Variants in FAM131A observed in about 807,000 individuals in gnomAD.
FAM131A encodes the protein family with sequence similarity 131 member A, also known as protein FAM131A.
Under a neutral mutation model 39.2 loss-of-function variants are expected in FAM131A, and 24 were observed. That is an observed-to-expected ratio of 0.61 (90% CI 0.44 to 0.86). The LOEUF (loss-of-function observed/expected upper bound fraction) is 0.86, where lower values mean the gene tolerates loss of function less well. FAM131A is among the 40% of genes least tolerant of loss of function. The pLI, the probability that FAM131A is intolerant of heterozygous loss-of-function variation, is 0.00. For synonymous variants in FAM131A, 202 were observed against 206.8 expected (o/e 0.98, Z 0.20); for missense variants, 373 against 481.2 (o/e 0.78, Z 2.10).
intron 5 of FAM131A, among the ~76,000 whole-genome samples, chr3:184,343,292 C>T (rs548824944): frequency 1.3e-5 from 2 of 152,330 alleles, no homozygotes; most frequent in East Asian, 3.9e-4. Flanking sequence ...CGCAGGGCTG[C>T]AGCCCAGGTC....
At position 184,342,074 on chromosome 3, in the gene FAM131A, C is replaced by T. The variant is rs749898977; in HGVS notation, c.334C>T (p.Gln112Ter). Residue 112 changes from glutamine to a stop codon, truncating the protein, a stop_gained, in exon 4 of 6, where the codon CAG becomes TAG. Transcript: ENST00000383847. LOFTEE classifies it high-confidence loss of function. The surrounding 1 kb of genome is among the most constrained non-coding windows in gnomAD (Gnocchi z 4.6). ...CCCTCCCCTATCTCCAGGTATTTCC[C>T]AGGTGGTGAAGGACCACGTGACCAA... is the stretch of plus-strand genomic sequence containing the variant. ...LARSSLHGIS[Q>*]VVKDHVTKPT... The T allele has an allele frequency of 6.2e-7, 1 of 1,614,222 alleles. No individual in the cohort carries two copies. The highest frequency in any genetic ancestry group is 8.5e-7 in the Non-Finnish European group (1 of 1,180,044).
Position 184,344,575 on chromosome 3 carries a change from G to T in FAM131A, c.706G>T (p.Gly236Cys), listed in dbSNP as rs1180263978. 1.9e-6 allele frequency: 3 copies of T among 1,609,136 alleles called. No homozygotes were observed. The highest frequency in any genetic ancestry group is 8.5e-7 in the Non-Finnish European group (1 of 1,177,168). Residue 236 changes from glycine (G) to cysteine (C), a missense_variant, in exon 6 of 6, where the codon GGC becomes TGC. Gly to Cys is a radical substitution (Grantham distance 159, BLOSUM62 -3). Around this residue, in one of 2 missense-constraint regions of FAM131A, gnomAD observed 221 missense variants for 347.7 expected, o/e 0.64. Coordinates refer to ENST00000383847, the MANE Select transcript of FAM131A (RefSeq NM_144635.5). ...GHRFSRPVRQ[G>C]SVEPESDCSQ... ...CCGGTTCTCCCGGCCTGTGCGCCAGGGCTCCGTGGAGCCTGAGAGCGACTG... is the reference window on the plus strand; with the variant it reads ...CCGGTTCTCCCGGCCTGTGCGCCAGTGCTCCGTGGAGCCTGAGAGCGACTG...
At position 184,345,550 on chromosome 3, in the gene FAM131A, T is replaced by A; in HGVS notation, c.*580T>A. On this transcript the variant is annotated 3_prime_UTR_variant, in exon 6 of 6. Coordinates refer to ENST00000383847, the MANE Select transcript of FAM131A (RefSeq NM_144635.5). ...TTCACCTCTCCATCGTCTCTAAATCTTCCTCTTTTTTCCTAAAGACAGAAG... is the reference window on the plus strand; with the variant it reads ...TTCACCTCTCCATCGTCTCTAAATCATCCTCTTTTTTCCTAAAGACAGAAG... 1.4e-6 allele frequency: 1 copy of A among 703,186 alleles called. No homozygotes were observed. Among genetic ancestry groups the A allele is most frequent in the Non-Finnish European group, 2.6e-6 (1 of 385,044 alleles). 43.6% of individuals were successfully genotyped at this position (703,186 alleles called of 1,614,324 possible). A position where few individuals can be genotyped will look rare whatever the true frequency, so the allele number is the denominator to read the frequency against.
In FAM131A at chr3:184,345,412, A is replaced by G. The variant is rs1727600238; in HGVS notation, c.*442A>G. 1.5e-6 allele frequency: 1 copy of G among 656,220 alleles called. No individual in the cohort carries two copies. Among genetic ancestry groups the G allele is most frequent in the Non-Finnish European group, 2.7e-6 (1 of 368,394 alleles). The allele number at this position is 656,220 out of a possible 1,614,324, so 40.6% of individuals were successfully genotyped here. ...TCTTCTCACTTCCGAGTCCATGTGCAGTGCTTGATAGAATCACCCCCACCT... is the reference window on the plus strand; with the variant it reads ...TCTTCTCACTTCCGAGTCCATGTGCGGTGCTTGATAGAATCACCCCCACCT... On this transcript the variant is annotated 3_prime_UTR_variant, in exon 6 of 6. Coordinates refer to ENST00000383847, the MANE Select transcript of FAM131A (RefSeq NM_144635.5).
At chr3:184,343,027 A>T (rs1029757921) in intron 5 of FAM131A, 167 bp downstream of exon 5, 2 of 433,132 alleles carry the variant, frequency 4.6e-6, no homozygotes, top group Non-Finnish European at 8.6e-6. Flanking sequence ...GTCCACACTC[A>T]TGGGTGGGAA....
At position 184,345,000 on chromosome 3, in the gene FAM131A, C is replaced by T. The variant is rs975659748; in HGVS notation, c.*30C>T. ...CATCATGCCTGGCAGTGGCATGCAT[C>T]CCCCGGCTGCTGCCAGGGGCAGAGC... On this transcript the variant is annotated 3_prime_UTR_variant, in exon 6 of 6. Coordinates refer to ENST00000383847, the MANE Select transcript of FAM131A (RefSeq NM_144635.5). 6.8e-7 allele frequency: 1 copy of T among 1,470,422 alleles called. No individual in the cohort carries two copies. Among genetic ancestry groups the T allele is most frequent in the Non-Finnish European group, 9.0e-7 (1 of 1,108,742 alleles). The allele number at this position is 1,470,422 out of a possible 1,614,324, so 91.1% of individuals were successfully genotyped here.
intron 2 of FAM131A, 71 bp downstream of exon 2, chr3:184,338,600 C>A: frequency 1.3e-6 from 2 of 1,498,192 alleles, no homozygotes; most frequent in Non-Finnish European, 1.8e-6. Flanking sequence ...CCCCCACCCA[C>A]GCCTGGCCAG....
At position 184,341,807 on chromosome 3, in the gene FAM131A, C is replaced by T. The variant is rs1727393770; in HGVS notation, c.315C>T (p.Ser105=). The stretch of plus-strand genomic sequence containing the variant: ...AGGAGATCGCTGCGCTGGCCAGGTC[C>T]TCCCTGCATGGTATGCAGCCCCTCC... The part of the protein sequence containing the change: ...TIQEIAALAR[S]SLHGISQVVK... Residue 105 remains serine, a synonymous_variant, in exon 3 of 6, where the codon TCC becomes TCT. Coordinates refer to ENST00000383847, the MANE Select transcript of FAM131A (RefSeq NM_144635.5). The T allele has an allele frequency of 6.2e-7, 1 of 1,614,094 alleles. No individual in the cohort carries two copies. Among genetic ancestry groups the T allele is most frequent in the Non-Finnish European group, 8.5e-7 (1 of 1,180,052 alleles).
Position 184,344,731 on chromosome 3 carries a change from A to C in FAM131A, c.862A>C (p.Ser288Arg). ...GCTGCTTCTCGCCAAACTGCCCCCC[A>C]GCCGGGAAAGTGCCTTCCGCAGCCT... is the stretch of plus-strand genomic sequence containing the variant. ...DELLLAKLPP[S>R]RESAFRSLGP... is the part of the protein sequence containing the mutation. The change falls in exon 6 of 6, where the codon AGC (serine) becomes CGC (arginine). Residue 288 changes from serine (S) to arginine (R), a missense_variant. Ser to Arg is a moderately radical substitution (Grantham distance 110). Coordinates refer to ENST00000383847, the MANE Select transcript of FAM131A (RefSeq NM_144635.5). 11 of 1,612,290 alleles carry C rather than the reference A, an allele frequency of 6.8e-6. No individual in the cohort carries two copies. Among genetic ancestry groups the C allele is most frequent in the Non-Finnish European group, 9.3e-6 (11 of 1,179,964 alleles).
Position 184,342,785 on chromosome 3 carries a change from G to A in FAM131A, c.550G>A (p.Ala184Thr). 1 of 1,613,938 alleles carries A rather than the reference G, an allele frequency of 6.2e-7. No individual in the cohort carries two copies. Among genetic ancestry groups the A allele is most frequent in the South Asian group, 1.1e-5 (1 of 91,086 alleles). The change falls in exon 5 of 6, where the codon GCA (alanine) becomes ACA (threonine). Residue 184 changes from alanine (A) to threonine (T), a missense_variant. Ala to Thr is a moderately conservative substitution (Grantham distance 58). Around this residue, in one of 2 missense-constraint regions of FAM131A, gnomAD observed 221 missense variants for 347.7 expected, o/e 0.64. Coordinates refer to ENST00000383847, the MANE Select transcript of FAM131A (RefSeq NM_144635.5). This position sits in a 1 kb window ranked among gnomAD's most constrained non-coding sequence, Gnocchi z 4.6. ...TGCCATCGCGGAAGCCAAGCTCCGA[G>A]CATGGTCTTCGGTGGATGGCGAGGA... is the stretch of plus-strand genomic sequence containing the variant. ...QFAIAEAKLR[A>T]WSSVDGEDST...
upstream of FAM131A, chr3:184,337,427 C>A (rs1454823335): frequency 1.7e-6 from 1 of 585,870 alleles, no homozygotes; most frequent in East Asian, 2.8e-5. Context: ...GCCTCAGCTC[C>A]CCGAGTCCCA....
chr3:184,344,847 G>A lies in FAM131A; in HGVS notation c.978G>A (p.Lys326=). The part of the protein sequence containing the change: ...SPAEEEPAPC[K]DCQPLCPPLT... ...CGGAGGAGGAGCCAGCCCCCTGCAAGGACTGCCAGCCACTCTGCCCACCAC... is the reference window on the plus strand; with the variant it reads ...CGGAGGAGGAGCCAGCCCCCTGCAAAGACTGCCAGCCACTCTGCCCACCAC... Residue 326 remains lysine, a synonymous_variant, in exon 6 of 6, where the codon AAG becomes AAA. Coordinates refer to ENST00000383847, the MANE Select transcript of FAM131A (RefSeq NM_144635.5). 6.2e-7 allele frequency: 1 copy of A among 1,610,998 alleles called. No homozygotes were observed. The highest frequency in any genetic ancestry group is 1.3e-5 in the African/African-American group (1 of 75,066).
intron 2 of FAM131A, 114 bp from the exon 3 acceptor site, chr3:184,341,610 T>C: frequency 1.3e-6 from 1 of 768,220 alleles, no homozygotes; most frequent in East Asian, 2.7e-5. Context: ...GGGACATATG[T>C]GGTGTTCCTT....
upstream of FAM131A, among the ~76,000 whole-genome samples, chr3:184,336,950 G>A (rs1416001581): frequency 1.3e-5 from 2 of 152,208 alleles, no homozygotes; most frequent in East Asian, 1.9e-4. The surrounding 1 kb of genome is among the most constrained non-coding windows in gnomAD (Gnocchi z 5.5). Context: ...CCACGCATAA[G>A]GCAAGGCAGG....
Position 184,342,163 on chromosome 3 carries a change from G to A in FAM131A, c.423G>A (p.Pro141=), listed in dbSNP as rs200659074. Residue 141 remains proline (P), a synonymous_variant, in exon 4 of 6, where the codon CCG becomes CCA. Coordinates refer to ENST00000383847, the MANE Select transcript of FAM131A (RefSeq NM_144635.5). This position sits in a 1 kb window ranked among gnomAD's most constrained non-coding sequence, Gnocchi z 4.6. ...TTGAGTGGAAGGGCTGGAGCAAGCC[G>A]AGTGACTCACCTGCTGCCCTGGAAT... ...HLIEWKGWSK[P]SDSPAALESA... 3.5e-5 allele frequency: 56 copies of A among 1,614,214 alleles called. 1 individual carries two copies. The Middle Eastern group carries it at 6.6e-4, about 19-fold the overall frequency.
At chr3:184,338,636 G>A (rs1195971822) in intron 2 of FAM131A, 107 bp downstream of exon 2, 10 of 1,432,998 alleles carry the variant, frequency 7.0e-6, no homozygotes, top group South Asian at 1.3e-5. Context: ...CTTTTCCGGC[G>A]GGCGGAGGCG....
upstream of FAM131A, chr3:184,337,551 G>A (rs767456348): frequency 3.6e-5 from 48 of 1,343,610 alleles, no homozygotes; most frequent in Admixed American, 7.2e-4. Flanking sequence ...CTCAGCATCC[G>A]GAGCCAAAAC....
At chr3:184,341,252 GC>G (rs1207442269) in intron 2 of FAM131A, 1 of 200,712 alleles carries the variant, frequency 5.0e-6, no homozygotes, top group East Asian at 1.5e-4. Context: ...AGGTCAGGAA[GC>G]AGGGCCAGAC....
rs1213544214 is a variant in FAM131A at position 184,345,842 on chromosome 3, A to G, written c.*872A>G. ...TCATGTTCTTCTAGAGAGGGCCACA[A>G]GAGGGCCACAGGGGTGGCCGGGAGT... On this transcript the variant is annotated 3_prime_UTR_variant, in exon 6 of 6. Transcript: ENST00000383847. The G allele has an allele frequency of 2.4e-5, 12 of 499,968 alleles. No homozygotes were observed. The highest frequency in any genetic ancestry group is 7.6e-5 in the Admixed American group (2 of 26,302). The allele number at this position is 499,968 out of a possible 1,614,324, so 31.0% of individuals were successfully genotyped here. A position where few individuals can be genotyped will look rare whatever the true frequency, so the allele number is the denominator to read the frequency against.
Sources: gnomAD v4.1 joint callset for allele counts (sites outside exome capture counted in the v4.1 genomes callset) on GRCh38, gnomAD v4.1.1 for gene constraint, gnomAD v4.1.1 regional missense constraint, Gnocchi (gnomAD v3.1) non-coding constraint, MANE v1.5 for transcripts, NCBI Gene and HGNC (gene_info 2026-07-23, HGNC 2026-07-21) for gene names.